Variants in OTUD7B observed in about 807,000 individuals in gnomAD.
The protein encoded by OTUD7B is OTU domain-containing protein 7B.
A neutral mutation model predicts 82.2 loss-of-function variants in OTUD7B; 34 were observed. That is an observed-to-expected ratio of 0.41 (90% CI 0.31 to 0.55). The LOEUF (loss-of-function observed/expected upper bound fraction) is 0.55. OTUD7B is among the 20% of genes least tolerant of loss of function. The pLI, the probability that OTUD7B is intolerant of heterozygous loss-of-function variation, is 0.20. For missense variants in OTUD7B, 944 were observed against 1,062.1 expected (o/e 0.89, Z 1.55); for synonymous variants, 398 against 402.7 (o/e 0.99, Z 0.14).
chr1:150,015,290 C>CTTTTTTTTTTTTTTTTTTT (rs60374988), upstream of OTUD7B, among the ~76,000 whole-genome samples: 8 of 128,974 alleles, frequency 6.2e-5, no homozygotes, highest in African/African-American at 1.5e-4. Context: ...TTTTCTTTCT[C>CTTTTTTTTTTTTTTTTTTT]TTTTTTTTTT....
the OTUD7B span, among the ~76,000 whole-genome samples, chr1:150,053,533 A>G: frequency 6.6e-6 from 1 of 151,838 alleles, no homozygotes; most frequent in East Asian, 1.9e-4. Flanking sequence ...AGTAGCCGAG[A>G]TTACAGGCAT....
chr1:150,010,846 G>T (rs1229387095), upstream of OTUD7B, among the ~76,000 whole-genome samples: 1 of 152,126 alleles, frequency 6.6e-6, no homozygotes, highest in Admixed American at 6.5e-5. Context: ...CGCCTTTAGC[G>T]CCGCTCCCCA....
At chr1:150,057,441 C>T in the OTUD7B span, among the ~76,000 whole-genome samples, 1 of 152,096 alleles carries the variant, frequency 6.6e-6, no homozygotes, top group East Asian at 1.9e-4. Flanking sequence ...ATTAATTTAT[C>T]TTCCTCTTTA....
chr1:150,061,057 T>A, the OTUD7B span, among the ~76,000 whole-genome samples: 1 of 151,782 alleles, frequency 6.6e-6, no homozygotes, highest in Non-Finnish European at 1.5e-5. Flanking sequence ...CAAAAAAAAT[T>A]TTTTTTGTTT....
intron 1 of OTUD7B, among the ~76,000 whole-genome samples, chr1:149,978,364 A>G (rs1267300580): frequency 6.6e-6 from 1 of 152,134 alleles, no homozygotes; most frequent in East Asian, 1.9e-4. Flanking sequence ...AAAATTAGCC[A>G]GGCATGATGG....
chr1:149,987,370 GATTCAGACAGAT>G (rs1553781093), intron 1 of OTUD7B, among the ~76,000 whole-genome samples: 1 of 152,188 alleles, frequency 6.6e-6, no homozygotes, highest in Admixed American at 6.5e-5. Context: ...ACTGGCTCTG[GATTCAGACAGAT>G]CTTGGTTCCA....
chr1:149,949,606 C>T, intron 9 of OTUD7B, 23 bp downstream of exon 9: 1 of 1,609,314 alleles, frequency 6.2e-7, no homozygotes, highest in Non-Finnish European at 8.5e-7. Context: ...ATAATGCAGA[C>T]CAAAAGACAT....
chr1:149,960,603 C>T (rs1408837907), intron 6 of OTUD7B, among the ~76,000 whole-genome samples: 1 of 151,472 alleles, frequency 6.6e-6, no homozygotes, highest in Non-Finnish European at 1.5e-5. Flanking sequence ...AGGCTGGTCT[C>T]GAACTCCTGA....
the OTUD7B span, among the ~76,000 whole-genome samples, chr1:150,035,155 A>AG: frequency 6.6e-6 from 1 of 151,308 alleles, no homozygotes; most frequent in Non-Finnish European, 1.5e-5. Flanking sequence ...AAAAAAAAAA[A>AG]AGGTCAGTAT....
At chr1:150,031,109 G>C in the OTUD7B span, among the ~76,000 whole-genome samples, 2 of 151,978 alleles carry the variant, frequency 1.3e-5, no homozygotes, top group Non-Finnish European at 2.9e-5. Context: ...CCCCTTATCT[G>C]ATTTTTCATT....
intron 1 of OTUD7B, among the ~76,000 whole-genome samples, chr1:149,986,413 A>G (rs1651146742): frequency 6.6e-6 from 1 of 152,242 alleles, no homozygotes; most frequent in South Asian, 2.1e-4. Flanking sequence ...TCAGAGTAAT[A>G]TTAAAATCAG....
At chr1:150,054,994 G>T in the OTUD7B span, 2 of 288,962 alleles carry the variant, frequency 6.9e-6, no homozygotes, top group South Asian at 3.5e-5. Flanking sequence ...ATCTGTGTTT[G>T]CCCCGACAAA....
intron 7 of OTUD7B, among the ~76,000 whole-genome samples, chr1:149,956,639 G>A (rs1648696344): frequency 1.3e-5 from 2 of 152,140 alleles, no homozygotes; most frequent in Admixed American, 1.3e-4. Flanking sequence ...TTTCCAACTT[G>A]GTTCCATTCT....
chr1:149,982,097 C>T (rs1242923689), intron 1 of OTUD7B, among the ~76,000 whole-genome samples: 4 of 151,822 alleles, frequency 2.6e-5, no homozygotes, highest in African/African-American at 9.7e-5. Flanking sequence ...TGCAGTGAGC[C>T]GAGATCGCGC....
chr1:150,046,462 T>A, the OTUD7B span, among the ~76,000 whole-genome samples: 8 of 133,576 alleles, frequency 6.0e-5, no homozygotes, highest in Non-Finnish European at 1.1e-4. Context: ...TTTTTTTTTT[T>A]TTTGAGACAG....
At chr1:149,948,746 C>T (rs1441623888) in intron 10 of OTUD7B, among the ~76,000 whole-genome samples, 4 of 152,094 alleles carry the variant, frequency 2.6e-5, no homozygotes, top group Non-Finnish European at 4.4e-5. Flanking sequence ...AAGAAAAGAA[C>T]AAGTTGAGAT....
the OTUD7B span, among the ~76,000 whole-genome samples, chr1:150,025,855 C>T: frequency 2.6e-5 from 4 of 152,044 alleles, no homozygotes; most frequent in African/African-American, 9.7e-5. Flanking sequence ...AATTACACAA[C>T]TGAAAAAAGA....
At chr1:149,990,345 A>T (rs781890999) in intron 1 of OTUD7B, among the ~76,000 whole-genome samples, 1 of 152,210 alleles carries the variant, frequency 6.6e-6, no homozygotes, top group Admixed American at 6.5e-5. Context: ...AAAACATTCT[A>T]AACAGGCCTA....
chr1:149,982,816 T>A (rs1439343645), intron 1 of OTUD7B, among the ~76,000 whole-genome samples: 1 of 146,860 alleles, frequency 6.8e-6, no homozygotes, highest in Non-Finnish European at 1.5e-5. Flanking sequence ...CACAACCTCA[T>A]CTCCTTCCAG....
Sources: gnomAD v4.1 joint callset for allele counts (sites outside exome capture counted in the v4.1 genomes callset) on GRCh38, gnomAD v4.1.1 for gene constraint, MANE v1.5 for transcripts, NCBI Gene and HGNC (gene_info 2026-07-23, HGNC 2026-07-21) for gene names.